The following IQCM variants were observed in gnomAD, a reference collection of about 807,000 sequenced individuals.
The protein encoded by IQCM is IQ domain-containing protein M.
Under a neutral mutation model 57.6 loss-of-function variants are expected in IQCM, and 45 were observed. The observed-to-expected ratio is 0.78, with a 90% CI of 0.62 to 1.00. The LOEUF is 1.00. IQCM is among the 50% of genes least tolerant of loss of function. The probability of loss-of-function intolerance (pLI) is 0.00; values close to 1 mark genes in which losing one functional copy is unlikely to be tolerated. For synonymous variants in IQCM, 148 were observed against 158.9 expected, an observed-to-expected ratio of 0.93 and a Z score of 0.51; for missense variants, 468 against 511.6, an observed-to-expected ratio of 0.91 and a Z score of 0.82.
At chr4:149,360,568 G>T (rs1209603025) in intron 13 of IQCM, among the ~76,000 whole-genome samples, 5 of 152,080 alleles carry the variant, frequency 3.3e-5, no homozygotes, top group Admixed American at 3.3e-4. Context: ...CCCAGGGGGA[G>T]GTAACTGAAT....
chr4:149,440,199 C>T (rs1735799510), intron 12 of IQCM, among the ~76,000 whole-genome samples: 1 of 148,656 alleles, frequency 6.7e-6, no homozygotes, highest in African/African-American at 2.5e-5. Context: ...AACTCCCAAC[C>T]TCAGGTGATC....
chr4:149,430,037 G>T (rs1019559855), intron 13 of IQCM: 2 of 1,226,402 alleles, frequency 1.6e-6, no homozygotes, highest in African/African-American at 3.1e-5. Flanking sequence ...AAACTGCAGA[G>T]AAAATAAATA....
chr4:149,618,056 C>T (rs1373097388), intron 8 of IQCM, among the ~76,000 whole-genome samples: 2 of 152,010 alleles, frequency 1.3e-5, no homozygotes, highest in Non-Finnish European at 2.9e-5. Flanking sequence ...CAAAGTAATC[C>T]TAAGCAAAAA....
intron 7 of IQCM, among the ~76,000 whole-genome samples, chr4:149,679,817 T>C (rs930408053): frequency 6.6e-6 from 1 of 151,440 alleles, no homozygotes; most frequent in Non-Finnish European, 1.5e-5. Context: ...AATTATTATG[T>C]AGAGTTATAA....
intron 12 of IQCM, among the ~76,000 whole-genome samples, chr4:149,547,206 C>G (rs1187456496): frequency 2.0e-5 from 3 of 152,096 alleles, no homozygotes; most frequent in Non-Finnish European, 2.9e-5. Flanking sequence ...CAGTACCATG[C>G]TGTTTTGGTT....
intron 9 of IQCM, among the ~76,000 whole-genome samples, chr4:149,580,569 G>C (rs1752087432): frequency 6.6e-6 from 1 of 151,720 alleles, no homozygotes; most frequent in Non-Finnish European, 1.5e-5. Context: ...CTGAATTTCA[G>C]GTAGGCAATT....
chr4:149,805,832 TTAGTC>T (rs1486441269), intron 2 of IQCM, among the ~76,000 whole-genome samples: 3 of 152,016 alleles, frequency 2.0e-5, no homozygotes, highest in Non-Finnish European at 4.4e-5. Flanking sequence ...TTCTGGGTCT[TTAGTC>T]TGTCAAAATT....
At chr4:149,410,190 C>G (rs1316922926) in intron 13 of IQCM, among the ~76,000 whole-genome samples, 1 of 150,700 alleles carries the variant, frequency 6.6e-6, no homozygotes, top group Non-Finnish European at 1.5e-5. Flanking sequence ...TTAAAACAAA[C>G]AAACAAACAA....
chr4:149,483,874 G>T (rs1268211788), intron 12 of IQCM, among the ~76,000 whole-genome samples: 1 of 151,964 alleles, frequency 6.6e-6, no homozygotes, highest in East Asian at 1.9e-4. Flanking sequence ...GGGTGTTGAG[G>T]TCTCCAGCTG....
intron 13 of IQCM, among the ~76,000 whole-genome samples, chr4:149,411,457 T>C (rs116548155): frequency 0.026 from 3,945 of 152,272 alleles, 108 homozygotes; most frequent in African/African-American, 0.068. Flanking sequence ...GGTGACAAAT[T>C]ATGTATTAAC....
intron 7 of IQCM, among the ~76,000 whole-genome samples, chr4:149,633,985 A>T (rs985182074): frequency 6.6e-6 from 1 of 152,074 alleles, no homozygotes; most frequent in African/African-American, 2.4e-5. Flanking sequence ...TCTCAGCTTT[A>T]TCTTTTTCTT....
chr4:149,463,978 T>G (rs1364155262), intron 12 of IQCM, among the ~76,000 whole-genome samples: 1 of 152,214 alleles, frequency 6.6e-6, no homozygotes, highest in African/African-American at 2.4e-5. Flanking sequence ...CATGCTATTT[T>G]GAAAGAAAAC....
chr4:149,791,173 T>C (rs879920045), intron 2 of IQCM, among the ~76,000 whole-genome samples: 3 of 152,198 alleles, frequency 2.0e-5, no homozygotes, highest in Admixed American at 2.0e-4. Context: ...CATATTTCAT[T>C]AACATAAATC....
Position 149,764,916 on chromosome 4 carries a change from A to G in IQCM, c.-48-22177T>C, listed in dbSNP as rs141097781. Among the ~76,000 whole-genome samples the G allele has an allele frequency of 2.6e-3, 399 of 152,186 alleles. 8 individuals carry two copies. In the East Asian group the frequency reaches 0.041, roughly 15 times the overall value. On this transcript the variant is annotated intron_variant, in intron 2 of 13. Transcript: ENST00000636793. ...AACTCAATAGCAGCATTGCTTTAAC[A>G]TTTGCTTCTGAATGTTACAGAAATC...
intron 12 of IQCM, among the ~76,000 whole-genome samples, chr4:149,435,033 T>C (rs1735217856): frequency 6.6e-6 from 1 of 152,082 alleles, no homozygotes; most frequent in Admixed American, 6.6e-5. Flanking sequence ...TCCCCATGGG[T>C]GGACTTTGTA....
chr4:149,464,208 T>C, intron 12 of IQCM, among the ~76,000 whole-genome samples: 1 of 152,202 alleles, frequency 6.6e-6, no homozygotes, highest in East Asian at 1.9e-4. Context: ...ACGTAAGGGT[T>C]GTGCTGTGTA....
intron 12 of IQCM, among the ~76,000 whole-genome samples, chr4:149,441,107 AT>A (rs1735899235): frequency 6.6e-6 from 1 of 152,206 alleles, no homozygotes; most frequent in Admixed American, 6.5e-5. Flanking sequence ...GATAAAGTAT[AT>A]TTTAATCAAC....
At chr4:149,721,036 C>T (rs922737836) in intron 5 of IQCM, among the ~76,000 whole-genome samples, 3 of 152,174 alleles carry the variant, frequency 2.0e-5, no homozygotes, top group South Asian at 2.1e-4. Context: ...AGCATGTTTG[C>T]TGCATGTTTG....
At chr4:149,719,776 A>G (rs1359426907) in intron 5 of IQCM, among the ~76,000 whole-genome samples, 1 of 152,184 alleles carries the variant, frequency 6.6e-6, no homozygotes, top group African/African-American at 2.4e-5. Context: ...ATAATCTAAT[A>G]CCATTGGCTA....
Sources: allele counts gnomAD v4.1 joint callset (sites outside exome capture counted in the v4.1 genomes callset), GRCh38; gene constraint gnomAD v4.1.1; transcripts MANE v1.5; gene names NCBI Gene and HGNC (gene_info 2026-07-23, HGNC 2026-07-21).